KATNA1: variants seen among roughly 807,000 people sequenced by gnomAD.
The protein encoded by KATNA1 is katanin p60 ATPase-containing subunit A1.
In KATNA1, 42 loss-of-function variants were observed where a neutral mutation model predicts 62.6. The observed-to-expected ratio is 0.67, with a 90% CI of 0.52 to 0.87. The LOEUF is 0.87. KATNA1 is among the 40% of genes least tolerant of loss of function. The pLI is 0.00. For missense variants in KATNA1, 498 were observed against 612.5 expected (o/e 0.81, Z 1.97); for synonymous variants, 186 against 201.9 (o/e 0.92, Z 0.67).
chr6:149,643,006 T>C (rs1780348823), intron 1 of KATNA1, among the ~76,000 whole-genome samples: 1 of 152,248 alleles, frequency 6.6e-6, no homozygotes, highest in Non-Finnish European at 1.5e-5. Context: ...ACAAATAACA[T>C]AATACCATTT....
At chr6:149,597,894 T>C (rs1473917227) in intron 8 of KATNA1, among the ~76,000 whole-genome samples, 1 of 152,204 alleles carries the variant, frequency 6.6e-6, no homozygotes, top group Non-Finnish European at 1.5e-5. Context: ...ATAACAATTT[T>C]AAATCTTTTT....
chr6:149,632,844 C>T lies in KATNA1; in HGVS notation c.235G>A (p.Asp79Asn), dbSNP rs1297804127. The T allele has an allele frequency of 1.2e-6, 2 of 1,613,442 alleles. No individual in the cohort carries two copies. Among genetic ancestry groups the T allele is most frequent in the South Asian group, 2.2e-5 (2 of 91,032 alleles). ...IMKTLESFKL[D>N]STPLKAAQHD... is the part of the protein sequence containing the mutation. ...TGTGCCGCTTTCAAGGGAGTGCTGTCCAGTTTAAAGCTCTCTAGTGTTTTC... is the reference window on the plus strand; with the variant it reads ...TGTGCCGCTTTCAAGGGAGTGCTGTTCAGTTTAAAGCTCTCTAGTGTTTTC... Residue 79 changes from aspartate (D) to asparagine (N), a missense_variant, in exon 3 of 11, where the codon GAC becomes AAC. This residue lies in a region of KATNA1 where 203 missense variants were observed against 198.4 expected (regional missense o/e 1.02). Coordinates refer to ENST00000367411, the MANE Select transcript of KATNA1 (RefSeq NM_007044.4).
intron 5 of KATNA1, 67 bp from the exon 6 acceptor site, chr6:149,603,440 AC>A (rs1305751329): frequency 1.9e-5 from 14 of 723,398 alleles, no homozygotes; most frequent in Non-Finnish European, 3.3e-5. Context: ...ACTCTTGAGA[AC>A]CACTGGAAGC....
At chr6:149,636,847 G>T (rs892671532) in intron 2 of KATNA1, among the ~76,000 whole-genome samples, 4 of 151,874 alleles carry the variant, frequency 2.6e-5, no homozygotes, top group Middle Eastern at 3.4e-3. Flanking sequence ...TCACCATGTT[G>T]GTCAGGCTGG....
chr6:149,632,706 T>G, intron 3 of KATNA1, 53 bp downstream of exon 3: 1 of 1,497,730 alleles, frequency 6.7e-7, no homozygotes, highest in Non-Finnish European at 9.0e-7. Flanking sequence ...CTAAATATAA[T>G]CAATGCTATA....
chr6:149,628,603 C>T (rs113230526), intron 3 of KATNA1, among the ~76,000 whole-genome samples: 4,087 of 151,716 alleles, frequency 0.027, 166 homozygotes, highest in African/African-American at 0.093. Flanking sequence ...AGGTGGATCA[C>T]GAGGTCAGGA....
intron 2 of KATNA1, among the ~76,000 whole-genome samples, chr6:149,636,938 C>T (rs970856041): frequency 6.6e-6 from 1 of 151,596 alleles, no homozygotes; most frequent in Non-Finnish European, 1.5e-5. Context: ...CACCATGCCC[C>T]GCAAGACTTA....
At position 149,643,751 on chromosome 6, in the gene KATNA1, T is replaced by G. The variant is rs546354496; in HGVS notation, c.-14+4718A>C. On this transcript the variant is annotated intron_variant, in intron 1 of 10. Transcript: ENST00000367411. ...CCAGGCTGGAGTGCAGTGGTGCCAT[T>G]ACAGCTCACTGCAGCCTTGATCTTC... is the stretch of plus-strand genomic sequence containing the variant. Among the ~76,000 whole-genome samples, 41 of 151,992 alleles carry G rather than the reference T, an allele frequency of 2.7e-4. No homozygotes were observed. In the South Asian group the frequency reaches 7.9e-3, roughly 29 times the overall value.
rs1778239554 is a variant in KATNA1 at position 149,594,955 on chromosome 6, AT to A, written c.*80del. 2 of 1,074,946 alleles carry A rather than the reference AT, an allele frequency of 1.9e-6. No homozygotes were observed. The highest frequency in any genetic ancestry group is 2.5e-5 in the Admixed American group (1 of 40,732). The allele number at this position is 1,074,946 out of a possible 1,614,324, so 66.6% of individuals were successfully genotyped here. ...CTTACCATTATGAAAGTTAAAAAAA[AT>A]ATAGCACTCAGTACAATGAATTACT... On this transcript the variant is annotated 3_prime_UTR_variant, in exon 11 of 11. Coordinates refer to ENST00000367411, the MANE Select transcript of KATNA1 (RefSeq NM_007044.4).
intron 4 of KATNA1, among the ~76,000 whole-genome samples, chr6:149,609,999 T>C (rs1469526245): frequency 1.3e-5 from 2 of 148,280 alleles, no homozygotes; most frequent in Non-Finnish European, 3.0e-5. Flanking sequence ...CTCGGGAGGC[T>C]GAGGCAGGAG....
chr6:149,603,303 G>T lies in KATNA1; in HGVS notation c.694C>A (p.Pro232Thr). The T allele has an allele frequency of 6.3e-7, 1 of 1,589,392 alleles. No individual in the cohort carries two copies. The highest frequency in any genetic ancestry group is 8.6e-7 in the Non-Finnish European group (1 of 1,162,144). Reference sequence around the variant, plus strand: ...CTCCTAATGCCCTTAAAGAATTCGGGCATCCACATTGGTAACACTACGGCT... The same window carrying T: ...CTCCTAATGCCCTTAAAGAATTCGGTCATCCACATTGGTAACACTACGGCT... ...KEAVVLPMWM[P>T]EFFKGIRRPW... is the part of the protein sequence containing the mutation. Residue 232 changes from proline (P) to threonine (T), a missense_variant, in exon 6 of 11, where the codon CCC becomes ACC. This residue lies in a region of KATNA1 where 267 missense variants were observed against 372.6 expected (regional missense o/e 0.72). Transcript: ENST00000367411.
chr6:149,612,274 G>A (rs776999980), intron 4 of KATNA1, among the ~76,000 whole-genome samples: 55 of 152,074 alleles, frequency 3.6e-4, no homozygotes, highest in African/African-American at 1.0e-3. Flanking sequence ...TTGGGAGGCC[G>A]AGGCAGGTGG....
At position 149,603,208 on chromosome 6, in the gene KATNA1, G is replaced by A. The variant is rs577811263; in HGVS notation, c.729+60C>T. 73 of 683,822 alleles carry A rather than the reference G, an allele frequency of 1.1e-4. No homozygotes were observed. In the African/African-American group the frequency reaches 1.3e-3, roughly 12 times the overall value. The allele number at this position is 683,822 out of a possible 1,614,324, so 42.4% of individuals were successfully genotyped here. On this transcript the variant is annotated intron_variant, in intron 6 of 10. Transcript: ENST00000367411. ...CTTTTCCCAATATAGATAAATATTG[G>A]CTCTCTGTATCAACATGCTGCCATT...
Position 149,601,751 on chromosome 6 carries a change from C to G in KATNA1, c.731G>C (p.Gly244Ala). ...FFKGIRRPWK[G>A]VLMVGPPGTG... ...GCCAGGTGGGCCGACCATCAGTACT[C>G]CCTGTTGCGAATATAATAGCCTCAG... The change falls in exon 7 of 11, where the codon GGA (glycine) becomes GCA (alanine). Residue 244 changes from glycine (G) to alanine (A), a missense_variant and splice_region_variant. Physicochemically the swap from Gly to Ala is moderately conservative, Grantham distance 60 (BLOSUM62 0). Coordinates refer to ENST00000367411, the MANE Select transcript of KATNA1 (RefSeq NM_007044.4). The G allele has an allele frequency of 6.3e-7, 1 of 1,585,046 alleles. No individual in the cohort carries two copies. The highest frequency in any genetic ancestry group is 8.6e-7 in the Non-Finnish European group (1 of 1,167,192).
intron 4 of KATNA1, among the ~76,000 whole-genome samples, chr6:149,619,421 T>C (rs1374492576): frequency 6.6e-6 from 1 of 152,140 alleles, no homozygotes; most frequent in African/African-American, 2.4e-5. Context: ...GAGACCAGAC[T>C]GGGCAACATG....
At chr6:149,599,161 G>T (rs1470548936) in intron 7 of KATNA1, among the ~76,000 whole-genome samples, 1 of 151,994 alleles carries the variant, frequency 6.6e-6, no homozygotes, top group African/African-American at 2.4e-5. Context: ...TGTACCTAGT[G>T]GGATAATTTC....
At chr6:149,604,601 C>G in intron 5 of KATNA1, 60 bp downstream of exon 5, 1 of 1,583,854 alleles carries the variant, frequency 6.3e-7, no homozygotes. Flanking sequence ...CACATTTGCT[C>G]CATTTTCCAT....
chr6:149,612,370 G>A lies in KATNA1; in HGVS notation c.502-7588C>T, dbSNP rs150900358. 3.9e-3 allele frequency among the ~76,000 whole-genome samples: 590 copies of A among 152,154 alleles called. 4 individuals carry two copies. Among genetic ancestry groups the A allele is most frequent in the African/African-American group, 0.014 (561 of 41,494 alleles). On this transcript the variant is annotated intron_variant, in intron 4 of 10. Coordinates refer to ENST00000367411, the MANE Select transcript of KATNA1 (RefSeq NM_007044.4). ...TAAAATACAAAAAAATTAGCCAGGC[G>A]TGGTGGCACGCATCTGTAACCCCAG... is the stretch of plus-strand genomic sequence containing the variant.
At chr6:149,608,576 A>C (rs1778829245) in intron 4 of KATNA1, among the ~76,000 whole-genome samples, 1 of 152,182 alleles carries the variant, frequency 6.6e-6, no homozygotes. Context: ...AGGACTTTCT[A>C]CTTCTGGAAG....
Sources: allele counts gnomAD v4.1 joint callset (sites outside exome capture counted in the v4.1 genomes callset), GRCh38; gene constraint gnomAD v4.1.1; regional missense constraint gnomAD v4.1.1; transcripts MANE v1.5; gene names NCBI Gene and HGNC (gene_info 2026-07-23, HGNC 2026-07-21).